Variants in KCTD20 observed in about 807,000 individuals in gnomAD.
The protein encoded by KCTD20 is BTB/POZ domain-containing protein KCTD20.
Under a neutral mutation model 39.6 loss-of-function variants are expected in KCTD20, and 30 were observed. That is an observed-to-expected ratio of 0.76 (90% CI 0.57 to 1.03). KCTD20 has a LOEUF of 1.03. Ranked by LOEUF, KCTD20 falls within the 50% of genes least tolerant of loss-of-function variation. The probability of loss-of-function intolerance (pLI) is 0.00; values close to 1 mark genes in which losing one functional copy is unlikely to be tolerated. For synonymous variants in KCTD20, 162 were observed against 180.6 expected (o/e 0.90, Z 0.83); for missense variants, 422 against 522.0 (o/e 0.81, Z 1.87).
chr6:36,471,476 T>C (rs1464281852), intron 2 of KCTD20, among the ~76,000 whole-genome samples: 3 of 152,200 alleles, frequency 2.0e-5, no homozygotes, highest in Non-Finnish European at 4.4e-5. Flanking sequence ...AATATTTACT[T>C]TGTAGCGCTT....
In KCTD20 at chr6:36,487,404, T is replaced by C. The variant is rs1055346297; in HGVS notation, c.*229T>C. The stretch of plus-strand genomic sequence containing the variant: ...CCATCTTTGCAGCAGCCCTGGTAAC[T>C]TGAAAAATTTGGGTCTGGTGCTGTT... On this transcript the variant is annotated 3_prime_UTR_variant, in exon 8 of 8. Transcript: ENST00000373731. 1.9e-6 allele frequency: 1 copy of C among 529,718 alleles called. No individual in the cohort carries two copies. The highest frequency in any genetic ancestry group is 3.3e-6 in the Non-Finnish European group (1 of 300,708). The allele number at this position is 529,718 out of a possible 1,614,324, so 32.8% of individuals were successfully genotyped here. A position where few individuals can be genotyped will look rare whatever the true frequency, so the allele number is the denominator to read the frequency against.
Position 36,489,588 on chromosome 6 carries a change from C to T in KCTD20, c.*2413C>T, listed in dbSNP as rs1419259121. 3 of 152,236 alleles carry T rather than the reference C, an allele frequency of 2.0e-5. No individual in the cohort carries two copies. The highest frequency in any genetic ancestry group is 4.4e-5 in the Non-Finnish European group (3 of 68,078). 9.4% of individuals were successfully genotyped at this position (152,236 alleles called of 1,614,324 possible). On this transcript the variant is annotated 3_prime_UTR_variant, in exon 8 of 8. Coordinates refer to ENST00000373731, the MANE Select transcript of KCTD20 (RefSeq NM_173562.5). ...AGAGCTCACCCAAGCCTGCTCCAGTCCCAGGGGCAGGCCATTCTGCAAAAG... is the reference window on the plus strand; with the variant it reads ...AGAGCTCACCCAAGCCTGCTCCAGTTCCAGGGGCAGGCCATTCTGCAAAAG...
chr6:36,446,767 A>G (rs1775060892), intron 1 of KCTD20, among the ~76,000 whole-genome samples: 1 of 152,266 alleles, frequency 6.6e-6, no homozygotes, highest in African/African-American at 2.4e-5. Flanking sequence ...AGAATTACGG[A>G]TGAAGAAAGA....
chr6:36,479,854 C>T (rs141859975), intron 5 of KCTD20, 143 bp downstream of exon 5: 16,070 of 674,796 alleles, frequency 0.024, 278 homozygotes, highest in African/African-American at 0.054. Context: ...TGCAGTGGCA[C>T]GATCTCGGCT....
At chr6:36,483,256 G>GTT (rs1776310902) in intron 6 of KCTD20, among the ~76,000 whole-genome samples, 1 of 123,048 alleles carries the variant, frequency 8.1e-6, no homozygotes, top group Admixed American at 8.9e-5. Flanking sequence ...CAAAACAGTG[G>GTT]CTTTTTCTTT....
Position 36,479,230 on chromosome 6 carries a change from G to A in KCTD20, c.537+7G>A. ...TGTATTTCGCACAGTGCTGGTGTGT[G>A]GTAGCCTTTTTTGTTACATTCTCTT... On this transcript the variant is annotated splice_region_variant and intron_variant, in intron 4 of 7. Coordinates refer to ENST00000373731, the MANE Select transcript of KCTD20 (RefSeq NM_173562.5). 1 of 1,595,956 alleles carries A rather than the reference G, an allele frequency of 6.3e-7. No individual in the cohort carries two copies. The highest frequency in any genetic ancestry group is 1.7e-5 in the Admixed American group (1 of 58,200).
chr6:36,464,558 T>C (rs1045043683), intron 1 of KCTD20, among the ~76,000 whole-genome samples: 43 of 152,192 alleles, frequency 2.8e-4, no homozygotes, highest in Non-Finnish European at 5.4e-4. Flanking sequence ...ATAATAGTCC[T>C]AGAAGGAGGT....
chr6:36,465,694 TC>T (rs1022921360), intron 1 of KCTD20: 2 of 152,094 alleles, frequency 1.3e-5, no homozygotes, highest in African/African-American at 4.8e-5. Context: ...ATTTTGCTGT[TC>T]CAGGTCAGTA....
chr6:36,459,686 C>T (rs961698254), intron 1 of KCTD20, among the ~76,000 whole-genome samples: 4 of 151,988 alleles, frequency 2.6e-5, no homozygotes, highest in African/African-American at 9.7e-5. Flanking sequence ...TACATGTTAG[C>T]TCTGTTACTA....
chr6:36,479,639 C>T lies in KCTD20; in HGVS notation c.586C>T (p.Pro196Ser). The T allele has an allele frequency of 1.2e-6, 2 of 1,607,238 alleles. No individual in the cohort carries two copies. The highest frequency in any genetic ancestry group is 1.7e-6 in the Non-Finnish European group (2 of 1,175,636). ...CAATTGTCCTGATGGCATCTCTATC[C>T]CAGATCTTAGAGATACTTGTGATTA... Reference protein sequence around the residue: ...IINCPDGISIPDLRDTCDYLC... With the variant: ...IINCPDGISISDLRDTCDYLC... Residue 196 changes from proline to serine, a missense_variant, in exon 5 of 8, where the codon CCA (proline) becomes TCA (serine). Physicochemically the swap from Pro to Ser is moderately conservative, Grantham distance 74 (BLOSUM62 -1). Coordinates refer to ENST00000373731, the MANE Select transcript of KCTD20 (RefSeq NM_173562.5).
At position 36,469,526 on chromosome 6, in the gene KCTD20, G is replaced by T. The variant is rs1249755114; in HGVS notation, c.-46-526G>T. On this transcript the variant is annotated intron_variant, in intron 1 of 7. Coordinates refer to ENST00000373731, the MANE Select transcript of KCTD20 (RefSeq NM_173562.5). The surrounding 1 kb of genome is among the most constrained non-coding windows in gnomAD (Gnocchi z 4.6). ...GTATACAAAGTGAAAGAGAGAAAAG[G>T]GGAGATAAAAAGGAGAACTTGAGCT... Among the ~76,000 whole-genome samples the T allele has an allele frequency of 1.3e-5, 2 of 152,140 alleles. No individual in the cohort carries two copies. The highest frequency in any genetic ancestry group is 3.8e-4 in the East Asian group (2 of 5,196).
At chr6:36,474,378 T>C (rs1180244340) in intron 2 of KCTD20, among the ~76,000 whole-genome samples, 1 of 152,106 alleles carries the variant, frequency 6.6e-6, no homozygotes, top group Non-Finnish European at 1.5e-5. Context: ...TATTTAGCAA[T>C]AGAAGTGAAA....
At chr6:36,468,502 T>G (rs62402190) in intron 1 of KCTD20, among the ~76,000 whole-genome samples, 2,864 of 152,316 alleles carry the variant, frequency 0.019, 39 homozygotes, top group Non-Finnish European at 0.027. Context: ...GATTGGAATA[T>G]TATGGTTCAA....
rs776279084 is a variant in KCTD20 at position 36,484,760 on chromosome 6, T to C, written c.903T>C (p.Asn301=). Reference sequence around the variant, plus strand: ...ACAGATTCTTCAAATATATTGAGAATAGGGATGTTGCAAAAACAGTGTTAA... The same window carrying C: ...ACAGATTCTTCAAATATATTGAGAACAGGGATGTTGCAAAAACAGTGTTAA... The part of the protein sequence containing the change: ...KLYRFFKYIE[N]RDVAKTVLKE... Residue 301 remains asparagine, a synonymous_variant, in exon 7 of 8, where the codon AAT becomes AAC. Transcript: ENST00000373731. 8.7e-6 allele frequency: 14 copies of C among 1,607,276 alleles called. No homozygotes were observed. The South Asian group carries it at 1.5e-4, about 18-fold the overall frequency.
chr6:36,443,652 C>G (rs1774944364), intron 1 of KCTD20: 1 of 152,204 alleles, frequency 6.6e-6, no homozygotes, highest in Non-Finnish European at 1.5e-5. Flanking sequence ...ATCCGTGGCT[C>G]TGAGTGCAAA....
intron 7 of KCTD20, among the ~76,000 whole-genome samples, chr6:36,486,603 C>G (rs773694587): frequency 6.6e-6 from 1 of 152,156 alleles, no homozygotes; most frequent in Non-Finnish European, 1.5e-5. Flanking sequence ...GGTTCCTGAA[C>G]TGGTAAGAGG....
intron 2 of KCTD20, among the ~76,000 whole-genome samples, chr6:36,473,154 G>A (rs560344723): frequency 2.6e-5 from 4 of 151,472 alleles, no homozygotes; most frequent in South Asian, 2.1e-4. Flanking sequence ...TCTGCCTCCC[G>A]GGTTCACACC....
chr6:36,488,545 T>C lies in KCTD20; in HGVS notation c.*1370T>C, dbSNP rs1776493581. 2 of 152,224 alleles carry C rather than the reference T, an allele frequency of 1.3e-5. 1 individual carries two copies. Among genetic ancestry groups the C allele is most frequent in the South Asian group, 4.1e-4 (2 of 4,836 alleles). 9.4% of individuals were successfully genotyped at this position (152,224 alleles called of 1,614,324 possible). A position where few individuals can be genotyped will look rare whatever the true frequency, so the allele number is the denominator to read the frequency against. On this transcript the variant is annotated 3_prime_UTR_variant, in exon 8 of 8. Transcript: ENST00000373731. ...ACTGGAATACAGGTTGAGTATCTCT[T>C]ATCCAAAATGCTAGGGACCAGAAAG...
intron 1 of KCTD20, among the ~76,000 whole-genome samples, chr6:36,467,169 G>C (rs879160739): frequency 6.6e-6 from 1 of 150,990 alleles, no homozygotes; most frequent in Non-Finnish European, 1.5e-5. Context: ...TTAGCAGGGC[G>C]TGGTGGTGGG....
Sources: gnomAD v4.1 joint callset for allele counts (sites outside exome capture counted in the v4.1 genomes callset) on GRCh38, gnomAD v4.1.1 for gene constraint, Gnocchi (gnomAD v3.1) non-coding constraint, MANE v1.5 for transcripts, NCBI Gene and HGNC (gene_info 2026-07-23, HGNC 2026-07-21) for gene names.